SBF2: variants seen among roughly 807,000 people sequenced by gnomAD.
The protein encoded by SBF2 is myotubularin-related protein 13.
A neutral mutation model predicts 225.2 loss-of-function variants in SBF2; 112 were observed. The ratio of observed to expected loss-of-function variants is 0.50; its 90% CI spans 0.43 to 0.58. The LOEUF is 0.58. Ranked by LOEUF, SBF2 falls within the 20% of genes least tolerant of loss-of-function variation. The pLI, the probability that SBF2 is intolerant of heterozygous loss-of-function variation, is 0.00. For synonymous variants in SBF2, 763 were observed against 773.3 expected, an observed-to-expected ratio of 0.99 and a Z score of 0.22; for missense variants, 1,996 against 2,206.2, an observed-to-expected ratio of 0.90 and a Z score of 1.91.
chr11:10,156,105 G>A (rs1161009912), intron 2 of SBF2, among the ~76,000 whole-genome samples: 3 of 152,244 alleles, frequency 2.0e-5, no homozygotes, highest in Non-Finnish European at 4.4e-5. Flanking sequence ...TATCCCCACA[G>A]GCTTGGAAGT....
chr11:9,830,123 A>G (rs1855298834), intron 27 of SBF2, among the ~76,000 whole-genome samples: 1 of 152,240 alleles, frequency 6.6e-6, no homozygotes, highest in Admixed American at 6.5e-5. Flanking sequence ...TTGTGAGAGC[A>G]ATTCTGGGTT....
At chr11:10,119,391 TA>T (rs990502115) in intron 2 of SBF2, among the ~76,000 whole-genome samples, 5 of 152,106 alleles carry the variant, frequency 3.3e-5, no homozygotes, top group African/African-American at 1.2e-4. Flanking sequence ...ATAAAAACAA[TA>T]AAGGCATAAG....
chr11:10,076,514 T>C (rs1256863096), intron 2 of SBF2, among the ~76,000 whole-genome samples: 1 of 152,162 alleles, frequency 6.6e-6, no homozygotes, highest in African/African-American at 2.4e-5. Flanking sequence ...GTTTGCAGCA[T>C]GGGACCAGGA....
chr11:10,131,730 C>G (rs1954064813), intron 2 of SBF2, among the ~76,000 whole-genome samples: 1 of 152,124 alleles, frequency 6.6e-6, no homozygotes, highest in African/African-American at 2.4e-5. Flanking sequence ...CATGAGCCAC[C>G]ACGCCCGGCC....
At chr11:9,905,338 C>A (rs974199624) in intron 16 of SBF2, among the ~76,000 whole-genome samples, 3 of 152,122 alleles carry the variant, frequency 2.0e-5, no homozygotes, top group Non-Finnish European at 2.9e-5. Flanking sequence ...GAGTGATATG[C>A]CTTTTTGAAT....
At chr11:10,032,698 G>A (rs1949303831) in intron 3 of SBF2, among the ~76,000 whole-genome samples, 2 of 151,924 alleles carry the variant, frequency 1.3e-5, no homozygotes, top group Admixed American at 1.3e-4. Flanking sequence ...TTGTTTTTTA[G>A]TTTGTCTGTC....
intron 2 of SBF2, among the ~76,000 whole-genome samples, chr11:10,045,638 C>A (rs561190067): frequency 6.6e-6 from 1 of 152,274 alleles, no homozygotes; most frequent in African/African-American, 2.4e-5. Context: ...TTCCTCCACA[C>A]AAAAGTTCCC....
chr11:10,013,706 G>A (rs1270207986), intron 6 of SBF2, among the ~76,000 whole-genome samples: 1 of 152,130 alleles, frequency 6.6e-6, no homozygotes, highest in Non-Finnish European at 1.5e-5. Context: ...TTAAGACCAC[G>A]TAAATATCTC....
intron 16 of SBF2, among the ~76,000 whole-genome samples, chr11:9,924,943 C>G (rs117570163): frequency 0.022 from 3,303 of 151,874 alleles, 57 homozygotes; most frequent in Non-Finnish European, 0.033. Flanking sequence ...GAGATGAGGT[C>G]TCACTATGTT....
intron 2 of SBF2, among the ~76,000 whole-genome samples, chr11:10,137,372 C>G (rs1437370388): frequency 1.3e-5 from 2 of 152,154 alleles, no homozygotes; most frequent in Non-Finnish European, 2.9e-5. Flanking sequence ...CCATTTTGAT[C>G]TGCATGTCCT....
upstream of SBF2, among the ~76,000 whole-genome samples, chr11:10,295,622 C>T (rs903345526): frequency 1.3e-5 from 2 of 151,934 alleles, no homozygotes; most frequent in African/African-American, 4.8e-5. Flanking sequence ...CCCCGTGCAG[C>T]AATCCTCTCT....
intron 2 of SBF2, chr11:10,044,592 G>T: frequency 1.0e-5 from 2 of 195,364 alleles, no homozygotes; most frequent in East Asian, 1.6e-4. Context: ...GCACTCACCA[G>T]ACTATGGAGG....
Position 9,987,057 on chromosome 11 carries a change from A to G in SBF2, c.1395+2440T>C, listed in dbSNP as rs181151321. Among the ~76,000 whole-genome samples, 1,305 of 152,320 alleles carry G rather than the reference A, an allele frequency of 8.6e-3. 65 individuals carry two copies. The highest frequency in any genetic ancestry group is 0.076 in the Admixed American group (1,159 of 15,296). ...ATACTAGCTAACCAAATCCAACAAC[A>G]TATCAGAAAGATAATCCACCATGAT... On this transcript the variant is annotated intron_variant, in intron 13 of 39. Coordinates refer to ENST00000256190, the MANE Select transcript of SBF2 (RefSeq NM_030962.4).
intron 17 of SBF2, among the ~76,000 whole-genome samples, chr11:9,893,069 T>G (rs1860968043): frequency 6.6e-6 from 1 of 152,122 alleles, no homozygotes; most frequent in African/African-American, 2.4e-5. Context: ...CTGAAAAAAA[T>G]TAATAATGTT....
At chr11:10,064,591 G>T (rs754102294) in intron 2 of SBF2, among the ~76,000 whole-genome samples, 1 of 152,174 alleles carries the variant, frequency 6.6e-6, no homozygotes, top group South Asian at 2.1e-4. Context: ...AAAAGGAGGG[G>T]AAACAGATAT....
intron 1 of SBF2, among the ~76,000 whole-genome samples, chr11:10,255,349 TAA>T (rs909902338): frequency 6.6e-6 from 1 of 152,180 alleles, no homozygotes; most frequent in Non-Finnish European, 1.5e-5. Flanking sequence ...TAAACACACA[TAA>T]ATTTTATTTG....
At chr11:9,947,461 G>A (rs1280939298) in intron 16 of SBF2, among the ~76,000 whole-genome samples, 1 of 152,156 alleles carries the variant, frequency 6.6e-6, no homozygotes, top group Non-Finnish European at 1.5e-5. Context: ...CAACCTCACA[G>A]GTCTTTTAGG....
At chr11:9,981,808 T>C (rs560077846) in intron 13 of SBF2, among the ~76,000 whole-genome samples, 1 of 152,350 alleles carries the variant, frequency 6.6e-6, no homozygotes, top group South Asian at 2.1e-4. Context: ...AGAAACAGTA[T>C]CGAATGTTAC....
intron 1 of SBF2, among the ~76,000 whole-genome samples, chr11:10,217,952 T>C (rs936929695): frequency 6.6e-6 from 1 of 151,704 alleles, no homozygotes; most frequent in Admixed American, 6.6e-5. Context: ...CAGGCTGGAG[T>C]GCAGTGGCGC....
Sources: gnomAD v4.1 joint callset for allele counts (sites outside exome capture counted in the v4.1 genomes callset) on GRCh38, gnomAD v4.1.1 for gene constraint, MANE v1.5 for transcripts, NCBI Gene and HGNC (gene_info 2026-07-23, HGNC 2026-07-21) for gene names.